The following SNX6 variants were observed in gnomAD, a reference collection of about 807,000 sequenced individuals.
SNX6 encodes sorting nexin 6.
A neutral mutation model predicts 63.0 loss-of-function variants in SNX6; 34 were observed. The observed-to-expected ratio is 0.54, with a 90% CI of 0.41 to 0.72. The LOEUF (loss-of-function observed/expected upper bound fraction) is 0.72. Among genes scored for constraint, SNX6 ranks in the 30% least tolerant of loss-of-function variants. SNX6 has a pLI of 0.00. For synonymous variants in SNX6, 170 were observed against 164.2 expected (o/e 1.04, Z -0.27); for missense variants, 398 against 471.4 (o/e 0.84, Z 1.44).
intron 10 of SNX6, among the ~76,000 whole-genome samples, chr14:34,577,833 AAAAG>A (rs1350795800): frequency 2.4e-4 from 37 of 152,332 alleles, no homozygotes; most frequent in Non-Finnish European, 2.9e-5. Flanking sequence ...TTATACTAAA[AAAAG>A]AGATAGGTAT....
intron 6 of SNX6, among the ~76,000 whole-genome samples, chr14:34,600,879 A>T (rs1282098105): frequency 6.6e-6 from 1 of 152,036 alleles, no homozygotes. Context: ...CTCTATTAAA[A>T]TATAAGAATT....
At chr14:34,621,341 C>G (rs937108425) in intron 2 of SNX6, among the ~76,000 whole-genome samples, 1 of 152,172 alleles carries the variant, frequency 6.6e-6, no homozygotes, top group African/African-American at 2.4e-5. Flanking sequence ...GCTGGTTTCC[C>G]TTGGGTGCTA....
At chr14:34,630,031 G>C in intron 1 of SNX6, 77 bp from the exon 2 acceptor site, 2 of 1,449,118 alleles carry the variant, frequency 1.4e-6, no homozygotes, top group Non-Finnish European at 1.8e-6. Context: ...TTAGTGACAG[G>C]CTGGCGCGGT....
intron 13 of SNX6, among the ~76,000 whole-genome samples, chr14:34,564,216 C>T (rs906251017): frequency 3.9e-5 from 6 of 151,998 alleles, no homozygotes; most frequent in Admixed American, 6.6e-5. Context: ...TTAGTAGAGA[C>T]GGGGTTACAC....
At chr14:34,573,373 G>T (rs565918048) in intron 11 of SNX6, among the ~76,000 whole-genome samples, 3 of 152,088 alleles carry the variant, frequency 2.0e-5, no homozygotes, top group South Asian at 2.1e-4. Flanking sequence ...TAAGGAGTTC[G>T]AGACCAGCTT....
Position 34,609,708 on chromosome 14 carries a change from G to GCAT in SNX6, c.86_88dup (p.Asp29dup). ...ATCAGAAATGTCCACCTGCAGAGCA[G>GCAT]CATCACTTTGAAGATCTACATTTAT... On this transcript the variant is annotated inframe_insertion, in exon 3 of 14. Transcript: ENST00000362031. 1 of 1,612,460 alleles carries GCAT rather than the reference G, an allele frequency of 6.2e-7. No homozygotes were observed. The highest frequency in any genetic ancestry group is 2.2e-5 in the East Asian group (1 of 44,808).
At chr14:34,593,522 C>A (rs1882480934) in intron 7 of SNX6, among the ~76,000 whole-genome samples, 1 of 151,452 alleles carries the variant, frequency 6.6e-6, no homozygotes, top group African/African-American at 2.4e-5. Context: ...GCCTCAGCGT[C>A]CCAATAGCTG....
intron 2 of SNX6, among the ~76,000 whole-genome samples, chr14:34,617,316 T>C (rs1242790692): frequency 6.6e-6 from 1 of 152,142 alleles, no homozygotes; most frequent in Non-Finnish European, 1.5e-5. Context: ...TTAAAGACTC[T>C]GACCTGTGAC....
In SNX6 at chr14:34,610,422, A is replaced by G. The variant is rs74856036; in HGVS notation, c.55-680T>C. Reference sequence around the variant, plus strand: ...ACCCTATTTTCCAAGAAAGTGGTCCATCTAAGTTCAAGTGCTCTAAAATTA... The same window carrying G: ...ACCCTATTTTCCAAGAAAGTGGTCCGTCTAAGTTCAAGTGCTCTAAAATTA... On this transcript the variant is annotated intron_variant, in intron 2 of 13. Coordinates refer to ENST00000362031, the MANE Select transcript of SNX6 (RefSeq NM_152233.4). Among the ~76,000 whole-genome samples the G allele has an allele frequency of 6.1e-3, 917 of 151,470 alleles. 8 individuals are homozygous for G. Among genetic ancestry groups the G allele is most frequent in the African/African-American group, 0.021 (870 of 41,342 alleles).
chr14:34,603,480 A>G lies in SNX6; in HGVS notation c.393-9T>C. ...ATATTGCCAAATATTCACTAGAAACAATATACAAAATTAAAGGTAAAAAAC... is the reference window on the plus strand; with the variant it reads ...ATATTGCCAAATATTCACTAGAAACGATATACAAAATTAAAGGTAAAAAAC... On this transcript the variant is annotated splice_polypyrimidine_tract_variant and intron_variant, in intron 5 of 13. Transcript: ENST00000362031. The G allele has an allele frequency of 1.3e-6, 2 of 1,562,586 alleles. No individual in the cohort carries two copies. The highest frequency in any genetic ancestry group is 1.7e-6 in the Non-Finnish European group (2 of 1,159,076).
chr14:34,569,188 G>A (rs989571137), intron 11 of SNX6: 27 of 712,356 alleles, frequency 3.8e-5, no homozygotes, highest in Non-Finnish European at 6.9e-5. Flanking sequence ...GTTTTTTTAA[G>A]TAACAGCTTG....
intron 11 of SNX6, among the ~76,000 whole-genome samples, chr14:34,570,958 C>A (rs1057089561): frequency 2.0e-5 from 3 of 151,016 alleles, no homozygotes; most frequent in Non-Finnish European, 4.4e-5. Context: ...CTCCTGACCT[C>A]GTGATCCGGC....
intron 7 of SNX6, among the ~76,000 whole-genome samples, chr14:34,594,343 TTAAAAA>T (rs748944987): frequency 6.6e-6 from 1 of 151,326 alleles, no homozygotes; most frequent in Admixed American, 6.6e-5. Flanking sequence ...TAGATATACA[TTAAAAA>T]TAAAAATTAT....
chr14:34,614,148 T>C (rs1883335153), intron 2 of SNX6, among the ~76,000 whole-genome samples: 1 of 151,648 alleles, frequency 6.6e-6, no homozygotes, highest in Non-Finnish European at 1.5e-5. Flanking sequence ...AGAATCTGGC[T>C]GGGTGTAGCA....
intron 11 of SNX6, among the ~76,000 whole-genome samples, chr14:34,570,944 C>T (rs1311049561): frequency 4.1e-5 from 6 of 145,248 alleles, no homozygotes; most frequent in East Asian, 2.2e-4. Flanking sequence ...AGAATGGTCT[C>T]GATCTCCTGA....
At chr14:34,568,128 C>A in intron 11 of SNX6, 115 bp from the exon 12 acceptor site, 9 of 735,220 alleles carry the variant, frequency 1.2e-5, no homozygotes, top group Non-Finnish European at 1.7e-5. Flanking sequence ...GTGAATACTA[C>A]ATGCCAGTTA....
chr14:34,563,079 T>A lies in SNX6; in HGVS notation c.*43A>T. The A allele has an allele frequency of 6.3e-7, 1 of 1,586,030 alleles. No individual in the cohort carries two copies. The highest frequency in any genetic ancestry group is 8.6e-7 in the Non-Finnish European group (1 of 1,159,802). ...ATCATTAAGAAAACAAAAATAAAAT[T>A]TGAAGGAAGGCAGCCCTTTTTAACA... On this transcript the variant is annotated 3_prime_UTR_variant, in exon 14 of 14. Coordinates refer to ENST00000362031, the MANE Select transcript of SNX6 (RefSeq NM_152233.4).
chr14:34,585,499 G>A lies in SNX6; in HGVS notation c.794+731C>T, dbSNP rs528798157. 1.0e-3 allele frequency among the ~76,000 whole-genome samples: 156 copies of A among 152,244 alleles called. 1 individual carries two copies. Among genetic ancestry groups the A allele is most frequent in the Middle Eastern group, 3.4e-3 (1 of 294 alleles). Reference sequence around the variant, plus strand: ...CGTGCCACTGCACTCCAGCCTGGGTGACAGAATAAGACCCTGTTTCAAAAC... The same window carrying A: ...CGTGCCACTGCACTCCAGCCTGGGTAACAGAATAAGACCCTGTTTCAAAAC... On this transcript the variant is annotated intron_variant, in intron 9 of 13. Coordinates refer to ENST00000362031, the MANE Select transcript of SNX6 (RefSeq NM_152233.4).
At chr14:34,569,187 AG>A (rs1881330693) in intron 11 of SNX6, 1 of 717,012 alleles carries the variant, frequency 1.4e-6, no homozygotes, top group African/African-American at 1.7e-5. Context: ...CGTTTTTTTA[AG>A]TAACAGCTTG....
Sources: gnomAD v4.1 joint callset for allele counts (sites outside exome capture counted in the v4.1 genomes callset) on GRCh38, gnomAD v4.1.1 for gene constraint, MANE v1.5 for transcripts, NCBI Gene and HGNC (gene_info 2026-07-23, HGNC 2026-07-21) for gene names.